Variants in C16orf96 observed in about 807,000 individuals in gnomAD.
C16orf96 encodes the protein uncharacterized protein C16orf96.
C16orf96 carries 108 observed loss-of-function variants against 103.6 expected under a neutral mutation model. The ratio of observed to expected loss-of-function variants is 1.04; its 90% CI spans 0.89 to 1.22. C16orf96 has a LOEUF of 1.22. Ranked by LOEUF, C16orf96 falls within the 50% of genes most tolerant of loss-of-function variation. C16orf96 has a pLI of 0.00. For synonymous variants in C16orf96, 566 were observed against 593.5 expected (o/e 0.95, Z 0.67); for missense variants, 1,586 against 1,464.2 (o/e 1.08, Z -1.36).
At chr16:4,544,149 G>C in the C16orf96 span, among the ~76,000 whole-genome samples, 5 of 152,178 alleles carry the variant, frequency 3.3e-5, no homozygotes, top group African/African-American at 7.2e-5. Flanking sequence ...AAATAGAACA[G>C]TCAACGTGAA....
chr16:4,555,212 G>C (rs528345425), upstream of C16orf96, among the ~76,000 whole-genome samples: 111 of 150,710 alleles, frequency 7.4e-4, no homozygotes, highest in African/African-American at 2.3e-3. Context: ...GCAGTGAGCG[G>C]AGATCGCGCC....
intron 9 of C16orf96, among the ~76,000 whole-genome samples, chr16:4,590,404 C>T (rs1262231823): frequency 1.3e-5 from 2 of 150,728 alleles, no homozygotes; most frequent in Admixed American, 6.7e-5. Context: ...ACTAAAAATA[C>T]AAAACTAGCC....
chr16:4,591,588 C>A, intron 9 of C16orf96, 78 bp from the exon 10 acceptor site: 1 of 1,205,758 alleles, frequency 8.3e-7, no homozygotes, highest in Non-Finnish European at 1.2e-6. Context: ...TCCCAGGTTG[C>A]TGCAACCCTC....
chr16:4,568,930 T>C (rs11648328), intron 1 of C16orf96, among the ~76,000 whole-genome samples: 32,954 of 151,822 alleles, frequency 0.22, 3,821 homozygotes, highest in Middle Eastern at 0.33. Context: ...GCACCCAGGA[T>C]ACTGTTCTTT....
At chr16:4,592,229 G>A (rs1897075568) in intron 10 of C16orf96, 76 bp from the exon 11 acceptor site, 2 of 1,532,338 alleles carry the variant, frequency 1.3e-6, no homozygotes, top group African/African-American at 2.7e-5. Context: ...CAGCCCTGGG[G>A]CTCTGGCTGG....
chr16:4,592,423 G>A (rs563894888), intron 11 of C16orf96, 56 bp downstream of exon 11: 3 of 1,538,118 alleles, frequency 2.0e-6, no homozygotes, highest in Admixed American at 3.9e-5. Context: ...GCCCATGGAG[G>A]TCATCTCCGT....
In C16orf96 at chr16:4,593,096, G is replaced by A. The variant is rs2141759709; in HGVS notation, c.2775-128G>A. ...TATGCTGTGGACGCTTCTGGCATTC[G>A]AGGGTGGTGACCTGAGTCTGCACCT... On this transcript the variant is annotated intron_variant, in intron 11 of 15. Coordinates refer to ENST00000444310, the MANE Select transcript of C16orf96 (RefSeq NM_001145011.2). The surrounding 1 kb of genome is among the most constrained non-coding windows in gnomAD (Gnocchi z 4.2). 4 of 843,438 alleles carry A rather than the reference G, an allele frequency of 4.7e-6. No homozygotes were observed. The highest frequency in any genetic ancestry group is 3.1e-5 in the South Asian group (2 of 64,682). The allele number at this position is 843,438 out of a possible 1,614,324, so 52.2% of individuals were successfully genotyped here. A position where few individuals can be genotyped will look rare whatever the true frequency, so the allele number is the denominator to read the frequency against.
intron 1 of C16orf96, among the ~76,000 whole-genome samples, chr16:4,571,317 G>A (rs1453101100): frequency 6.6e-6 from 1 of 152,164 alleles, no homozygotes; most frequent in African/African-American, 2.4e-5. Flanking sequence ...GCTTCATGAC[G>A]AGTAACTCCT....
chr16:4,572,454 C>T (rs887600827), intron 2 of C16orf96, among the ~76,000 whole-genome samples: 1 of 151,876 alleles, frequency 6.6e-6, no homozygotes, highest in Non-Finnish European at 1.5e-5. Context: ...CGCCCGCCCC[C>T]ATGCCCGGCT....
chr16:4,564,488 G>T (rs983196102), intron 1 of C16orf96, among the ~76,000 whole-genome samples: 1 of 152,166 alleles, frequency 6.6e-6, no homozygotes, highest in Admixed American at 6.6e-5. Flanking sequence ...GCTGTATATT[G>T]TACAGGTTAA....
chr16:4,575,721 G>A lies in C16orf96; in HGVS notation c.1241G>A (p.Arg414Gln), dbSNP rs868035054. 1.8e-5 allele frequency: 27 copies of A among 1,533,842 alleles called. No homozygotes were observed. The East Asian group carries it at 2.0e-4, about 11-fold the overall frequency. Residue 414 changes from arginine to glutamine, a missense_variant, in exon 5 of 16, where the codon CGG becomes CAG. By Grantham distance (43) the Arg-to-Gln change is conservative. Transcript: ENST00000444310. Reference sequence around the variant, plus strand: ...CCTCTGTGGGACTTAGGTGTCCTGCGGCCAACTCAGCCCCAACCCTCCAGG... The same window carrying A: ...CCTCTGTGGGACTTAGGTGTCCTGCAGCCAACTCAGCCCCAACCCTCCAGG... The part of the protein sequence containing the change: ...SWPLWDLGVL[R>Q]PTQPQPSRAP...
chr16:4,561,815 C>T (rs558014492), intron 1 of C16orf96, among the ~76,000 whole-genome samples: 27 of 152,116 alleles, frequency 1.8e-4, no homozygotes, highest in Non-Finnish European at 2.6e-4. Flanking sequence ...GCCGGGGGGT[C>T]GCCTGGCAAA....
At position 4,575,131 on chromosome 16, in the gene C16orf96, G is replaced by A. The variant is rs186761749; in HGVS notation, c.694-43G>A. 5.6e-4 allele frequency: 862 copies of A among 1,546,556 alleles called. 3 individuals carry two copies. In the African/African-American group the frequency reaches 0.011, roughly 19 times the overall value. The stretch of plus-strand genomic sequence containing the variant: ...GGGTGGCTGACTGAGAGTGGGAGGC[G>A]GGGCTGGAAGCCAGCAGAGCCCCTC... On this transcript the variant is annotated intron_variant, in intron 4 of 15. Transcript: ENST00000444310.
upstream of C16orf96, among the ~76,000 whole-genome samples, chr16:4,554,673 A>T (rs2141683637): frequency 6.7e-6 from 1 of 148,742 alleles, no homozygotes; most frequent in East Asian, 2.0e-4. Flanking sequence ...TCTTTGTTTG[A>T]GACGGAGTCT....
intron 2 of C16orf96, among the ~76,000 whole-genome samples, chr16:4,573,346 C>T (rs1399051773): frequency 9.0e-5 from 13 of 144,658 alleles, no homozygotes; most frequent in African/African-American, 2.3e-4. Context: ...GGCTGAGGCA[C>T]GAGAATCACT....
chr16:4,571,240 T>A (rs1036404730), intron 1 of C16orf96, among the ~76,000 whole-genome samples: 3 of 152,088 alleles, frequency 2.0e-5, no homozygotes, highest in African/African-American at 7.2e-5. Flanking sequence ...CTCCAGTGGC[T>A]CCTACCCAGG....
At chr16:4,540,377 A>C in the C16orf96 span, among the ~76,000 whole-genome samples, 2 of 152,188 alleles carry the variant, frequency 1.3e-5, no homozygotes, top group Admixed American at 1.3e-4. Context: ...TGAGAGAGTC[A>C]GAAAGGTGAG....
intron 1 of C16orf96, among the ~76,000 whole-genome samples, chr16:4,569,720 C>T (rs1455452318): frequency 6.7e-6 from 1 of 149,282 alleles, no homozygotes; most frequent in Non-Finnish European, 1.5e-5. Flanking sequence ...AAAAAGAAGG[C>T]AAAGATAGTC....
rs1203035588 is a variant in C16orf96 at position 4,594,374 on chromosome 16, A to C, written c.2891A>C (p.Gln964Pro). 1 of 1,550,282 alleles carries C rather than the reference A, an allele frequency of 6.5e-7. No homozygotes were observed. Among genetic ancestry groups the C allele is most frequent in the Non-Finnish European group, 8.7e-7 (1 of 1,146,926 alleles). The change falls in exon 13 of 16, where the codon CAG (glutamine) becomes CCG (proline). Residue 964 changes from glutamine to proline, a missense_variant. Physicochemically the swap from Gln to Pro is moderately conservative, Grantham distance 76. Coordinates refer to ENST00000444310, the MANE Select transcript of C16orf96 (RefSeq NM_001145011.2). ...AGGGAACAGCAGTGGCTGCAGCTCC[A>C]GGACCTCGGTATCCAGGAGGATTGT... is the stretch of plus-strand genomic sequence containing the variant. Reference protein sequence around the residue: ...QMREQQWLQLQDLGIQEDCQQ... With the variant: ...QMREQQWLQLPDLGIQEDCQQ...
Sources: gnomAD v4.1 joint callset for allele counts (sites outside exome capture counted in the v4.1 genomes callset) on GRCh38, gnomAD v4.1.1 for gene constraint, Gnocchi (gnomAD v3.1) non-coding constraint, MANE v1.5 for transcripts, NCBI Gene and HGNC (gene_info 2026-07-23, HGNC 2026-07-21) for gene names.